Variants in PIK3C2B observed in about 807,000 individuals in gnomAD.
PIK3C2B encodes the protein phosphatidylinositol 4-phosphate 3-kinase C2 domain-containing subunit beta.
Under a neutral mutation model 184.3 loss-of-function variants are expected in PIK3C2B, and 83 were observed. The ratio of observed to expected loss-of-function variants is 0.45; its 90% CI spans 0.38 to 0.54. PIK3C2B has a LOEUF of 0.54. Among genes scored for constraint, PIK3C2B ranks in the 20% least tolerant of loss-of-function variants. The probability of loss-of-function intolerance (pLI) is 0.00; values close to 1 mark genes in which losing one functional copy is unlikely to be tolerated. For synonymous variants in PIK3C2B, 779 were observed against 837.6 expected (o/e 0.93, Z 1.21); for missense variants, 1,736 against 2,113.5 (o/e 0.82, Z 3.50).
intron 1 of PIK3C2B, among the ~76,000 whole-genome samples, chr1:204,489,107 A>T (rs1657831018): frequency 6.6e-6 from 1 of 151,882 alleles, no homozygotes; most frequent in Non-Finnish European, 1.5e-5. Context: ...CCTGACCTAG[A>T]CTCAAATTTT....
chr1:204,445,914 T>C (rs773492640), intron 16 of PIK3C2B, 42 bp downstream of exon 16: 40 of 1,402,836 alleles, frequency 2.9e-5, no homozygotes, highest in Non-Finnish European at 3.8e-5. Context: ...CCCTGGCTTC[T>C]ACAAGAACAC....
chr1:204,465,767 C>A (rs1655714173), intron 2 of PIK3C2B, among the ~76,000 whole-genome samples: 1 of 152,212 alleles, frequency 6.6e-6, no homozygotes, highest in African/African-American at 2.4e-5. Flanking sequence ...AAGCTTGGCC[C>A]TGGTCTAAAG....
In PIK3C2B at chr1:204,433,928, G is replaced by GA; in HGVS notation, c.3707dup (p.Thr1237HisfsTer12). On this transcript the variant is annotated frameshift_variant, in exon 25 of 33. Coordinates refer to ENST00000684373, the MANE Select transcript of PIK3C2B (RefSeq NM_001377334.1). LOFTEE classifies it high-confidence loss of function. The surrounding 1 kb of genome is among the most constrained non-coding windows in gnomAD (Gnocchi z 5.0). ...TGATGACATACGCCATGTCCGAGGT[G>GA]AAGACAAAGGGGGCACGGTCCCTGA... 6.2e-7 allele frequency: 1 copy of GA among 1,614,032 alleles called. No homozygotes were observed. The highest frequency in any genetic ancestry group is 8.5e-7 in the Non-Finnish European group (1 of 1,179,964).
chr1:204,432,173 G>C (rs751111998), intron 27 of PIK3C2B, 27 bp downstream of exon 27: 2 of 1,598,886 alleles, frequency 1.3e-6, no homozygotes, highest in African/African-American at 2.7e-5. Context: ...GAGCAGGAAA[G>C]GGGGTCAGAT....
In PIK3C2B at chr1:204,447,653, C is replaced by G; in HGVS notation, c.2347-75G>C. ...GGACTCCCAGCTTCTTTCTCTCACC[C>G]CAGCATTCCGGCCTTGTCCCTCCCT... On this transcript the variant is annotated intron_variant, in intron 14 of 32. Coordinates refer to ENST00000684373, the MANE Select transcript of PIK3C2B (RefSeq NM_001377334.1). This position sits in a 1 kb window ranked among gnomAD's most constrained non-coding sequence, Gnocchi z 4.1. 1.9e-6 allele frequency: 2 copies of G among 1,074,542 alleles called. No homozygotes were observed. The highest frequency in any genetic ancestry group is 2.8e-6 in the Non-Finnish European group (2 of 716,380). 66.6% of individuals were successfully genotyped at this position (1,074,542 alleles called of 1,614,324 possible).
chr1:204,463,016 G>A (rs1307125078), intron 5 of PIK3C2B, among the ~76,000 whole-genome samples: 1 of 152,144 alleles, frequency 6.6e-6, no homozygotes, highest in East Asian at 1.9e-4. Flanking sequence ...GAGTGAGATG[G>A]CGCCACAGCA....
intron 8 of PIK3C2B, among the ~76,000 whole-genome samples, chr1:204,458,859 A>G (rs1322878486): frequency 6.6e-6 from 1 of 152,186 alleles, no homozygotes; most frequent in Non-Finnish European, 1.5e-5. Context: ...AGAACAGCAC[A>G]GCACAGGTGT....
chr1:204,447,733 A>C lies in PIK3C2B; in HGVS notation c.2347-155T>G, dbSNP rs1654001467. ...CCCTGTTAGACTTGGTGATCTCTAA[A>C]GTCCTTTCCAGCTATAACTCTCAGC... On this transcript the variant is annotated intron_variant, in intron 14 of 32. Transcript: ENST00000684373. This position sits in a 1 kb window ranked among gnomAD's most constrained non-coding sequence, Gnocchi z 4.1. Among the ~76,000 whole-genome samples, 2 of 152,234 alleles carry C rather than the reference A, an allele frequency of 1.3e-5. No individual in the cohort carries two copies. Among genetic ancestry groups the C allele is most frequent in the African/African-American group, 4.8e-5 (2 of 41,466 alleles).
At chr1:204,470,191 G>A (rs1204598887) in intron 1 of PIK3C2B, among the ~76,000 whole-genome samples, 1 of 137,640 alleles carries the variant, frequency 7.3e-6, no homozygotes, top group Non-Finnish European at 1.5e-5. Context: ...TTTTTGAGAT[G>A]GAGTCTCGCT....
chr1:204,449,165 G>A lies in PIK3C2B; in HGVS notation c.2346+20C>T. ...GGAATGGTCTTGCTGGTGACTGGGAGGGAAGGGCTAAAGCCTCACCTGCAG... is the reference window on the plus strand; with the variant it reads ...GGAATGGTCTTGCTGGTGACTGGGAAGGAAGGGCTAAAGCCTCACCTGCAG... On this transcript the variant is annotated intron_variant, in intron 14 of 32. Transcript: ENST00000684373. 6.6e-7 allele frequency: 1 copy of A among 1,525,700 alleles called. No homozygotes were observed. Among genetic ancestry groups the A allele is most frequent in the African/African-American group, 1.4e-5 (1 of 73,438 alleles). The allele number at this position is 1,525,700 out of a possible 1,614,324, so 94.5% of individuals were successfully genotyped here.
chr1:204,448,974 A>C (rs945482228), intron 14 of PIK3C2B, among the ~76,000 whole-genome samples: 1 of 152,192 alleles, frequency 6.6e-6, no homozygotes, highest in Non-Finnish European at 1.5e-5. Flanking sequence ...AAATCAATTT[A>C]ACCTCCAGGA....
chr1:204,432,450 G>A (rs745988074), intron 26 of PIK3C2B, 49 bp from the exon 27 acceptor site: 2 of 1,489,944 alleles, frequency 1.3e-6, no homozygotes, highest in East Asian at 2.3e-5. Context: ...CCAAATTCCT[G>A]CTGCCTCGAC....
Position 204,459,828 on chromosome 1 carries a change from G to A in PIK3C2B, c.1566+50C>T, listed in dbSNP as rs1184499868. 11 of 1,467,036 alleles carry A rather than the reference G, an allele frequency of 7.5e-6. No individual in the cohort carries two copies. In the Middle Eastern group the frequency reaches 8.7e-4, roughly 116 times the overall value. 90.9% of individuals were successfully genotyped at this position (1,467,036 alleles called of 1,614,324 possible). ...TGATCCCAGGAGGACTGAGGAAGGGGAGAGGAGGAGCTTTCGGGCAGCAGG... is the reference window on the plus strand; with the variant it reads ...TGATCCCAGGAGGACTGAGGAAGGGAAGAGGAGGAGCTTTCGGGCAGCAGG... On this transcript the variant is annotated intron_variant, in intron 8 of 32. Transcript: ENST00000684373.
At chr1:204,476,911 T>G (rs1572389566) in intron 1 of PIK3C2B, among the ~76,000 whole-genome samples, 1 of 152,268 alleles carries the variant, frequency 6.6e-6, no homozygotes. Flanking sequence ...CCAGAAGGTC[T>G]GTTACAGCCA....
At chr1:204,484,567 T>C (rs1454813619) in intron 1 of PIK3C2B, among the ~76,000 whole-genome samples, 1 of 152,090 alleles carries the variant, frequency 6.6e-6, no homozygotes, top group Non-Finnish European at 1.5e-5. Context: ...AGCCCGTCCC[T>C]ACTAAAAATA....
rs1327563900 is a variant in PIK3C2B, at chr1:204,465,150, G to A, written c.1034+69C>T. The A allele has an allele frequency of 1.6e-5, 12 of 732,970 alleles. 1 individual carries two copies. The highest frequency in any genetic ancestry group is 2.7e-5 in the Non-Finnish European group (11 of 413,294). 45.4% of individuals were successfully genotyped at this position (732,970 alleles called of 1,614,324 possible). On this transcript the variant is annotated intron_variant, in intron 3 of 32. Coordinates refer to ENST00000684373, the MANE Select transcript of PIK3C2B (RefSeq NM_001377334.1). ...GCTTCTTCCCTCCTAAAGAAAGTTT[G>A]GAAATGGATGGCCCCCCTCCCCATC...
intron 3 of PIK3C2B, among the ~76,000 whole-genome samples, chr1:204,464,852 AGCTTTCCAT>A (rs1316031309): frequency 3.3e-5 from 5 of 152,176 alleles, no homozygotes; most frequent in Non-Finnish European, 5.9e-5. Context: ...AAAATGACAA[AGCTTTCCAT>A]GCTAAGTTTA....
Position 204,454,714 on chromosome 1 carries a change from G to C in PIK3C2B, c.2021C>G (p.Ala674Gly). ...ELCSPLQTRR[A>G]HFSKYLFHLI... ...GTGGAAGAGGTACTTGGAGAAGTGA[G>C]CTCTTCGGGTCTGCAGGGGGCTGCA... The change falls in exon 12 of 33, where the codon GCT becomes GGT. Residue 674 changes from alanine to glycine, a missense_variant. By Grantham distance (60) the Ala-to-Gly change is moderately conservative (BLOSUM62 0). Transcript: ENST00000684373. The C allele has an allele frequency of 1.2e-6, 2 of 1,613,490 alleles. No homozygotes were observed. Among genetic ancestry groups the C allele is most frequent in the Non-Finnish European group, 1.7e-6 (2 of 1,179,952 alleles).
chr1:204,476,421 C>CTA (rs1385684296), intron 1 of PIK3C2B, among the ~76,000 whole-genome samples: 1 of 152,084 alleles, frequency 6.6e-6, no homozygotes, highest in Non-Finnish European at 1.5e-5. Context: ...TGGCATGGAC[C>CTA]TATAGTCCCA....
Sources: allele counts gnomAD v4.1 joint callset (sites outside exome capture counted in the v4.1 genomes callset), GRCh38; gene constraint gnomAD v4.1.1; non-coding constraint Gnocchi (gnomAD v3.1); transcripts MANE v1.5; gene names NCBI Gene and HGNC (gene_info 2026-07-23, HGNC 2026-07-21).